The following DIP2B variants were observed in gnomAD, a reference collection of about 807,000 sequenced individuals.
DIP2B encodes DIP2 acetate--CoA ligase B (putative).
A neutral mutation model predicts 198.0 loss-of-function variants in DIP2B; 76 were observed. The observed-to-expected ratio is 0.38, with a 90% confidence interval of 0.32 to 0.46. DIP2B has a LOEUF of 0.46. Ranked by LOEUF, DIP2B falls within the 20% of genes least tolerant of loss-of-function variation. DIP2B has a pLI of 0.99. For synonymous variants in DIP2B, 701 were observed against 739.1 expected, an observed-to-expected ratio of 0.95 and a Z score of 0.84; for missense variants, 1,559 against 1,978.4, an observed-to-expected ratio of 0.79 and a Z score of 4.02.
At chr12:50,606,679 ATTTAATC>A (rs2139448448) in intron 1 of DIP2B, among the ~76,000 whole-genome samples, 1 of 152,172 alleles carries the variant, frequency 6.6e-6, no homozygotes, top group Admixed American at 6.5e-5. Context: ...TTTTAATTTA[ATTTAATC>A]TTTTTGATGG....
At chr12:50,553,945 C>T (rs1325126585) in intron 1 of DIP2B, among the ~76,000 whole-genome samples, 1 of 152,064 alleles carries the variant, frequency 6.6e-6, no homozygotes, top group Non-Finnish European at 1.5e-5. Flanking sequence ...TCAGCCTGTG[C>T]GCTTGGGCTG....
At chr12:50,670,358 T>G (rs1938829812) in intron 4 of DIP2B, among the ~76,000 whole-genome samples, 1 of 152,102 alleles carries the variant, frequency 6.6e-6, no homozygotes, top group Non-Finnish European at 1.5e-5. Context: ...GGCTAAGGAT[T>G]GTTTACGCCA....
intron 26 of DIP2B, among the ~76,000 whole-genome samples, chr12:50,722,261 T>C (rs1199071224): frequency 1.3e-5 from 1 of 75,612 alleles, no homozygotes; most frequent in African/African-American, 4.4e-5. Flanking sequence ...TTGTTTATTT[T>C]ATTTTATTTT....
chr12:50,677,648 T>A (rs1467348556), intron 7 of DIP2B, among the ~76,000 whole-genome samples: 1 of 152,110 alleles, frequency 6.6e-6, no homozygotes. Flanking sequence ...ATTCTTTTTT[T>A]GATTTTTATT....
At chr12:50,663,783 T>C (rs545487981) in intron 4 of DIP2B, among the ~76,000 whole-genome samples, 2 of 148,178 alleles carry the variant, frequency 1.3e-5, no homozygotes, top group Non-Finnish European at 3.0e-5. Flanking sequence ...GGTGGGAGGA[T>C]CGCTTGATCC....
intron 26 of DIP2B, 104 bp from the exon 27 acceptor site, chr12:50,723,098 C>A (rs1296078774): frequency 1.4e-6 from 2 of 1,421,424 alleles, no homozygotes; most frequent in South Asian, 1.3e-5. Flanking sequence ...GTCTACAGAA[C>A]CTGTCTGGCA....
chr12:50,658,410 T>G (rs1938590233), intron 3 of DIP2B, among the ~76,000 whole-genome samples: 1 of 152,200 alleles, frequency 6.6e-6, no homozygotes, highest in African/African-American at 2.4e-5. Flanking sequence ...GTGCTGGGAT[T>G]ACAGGTGTGA....
chr12:50,646,762 C>A (rs913024794), intron 3 of DIP2B, among the ~76,000 whole-genome samples: 1 of 152,006 alleles, frequency 6.6e-6, no homozygotes, highest in Non-Finnish European at 1.5e-5. Flanking sequence ...AGTATGGATT[C>A]TTCTGATTTA....
At chr12:50,601,796 C>T (rs1451464410) in intron 1 of DIP2B, among the ~76,000 whole-genome samples, 1 of 151,976 alleles carries the variant, frequency 6.6e-6, no homozygotes, top group African/African-American at 2.4e-5. Context: ...TTGTATTTAA[C>T]CTGTTGTTTT....
At chr12:50,625,074 A>G (rs1937906540) in intron 1 of DIP2B, among the ~76,000 whole-genome samples, 1 of 152,156 alleles carries the variant, frequency 6.6e-6, no homozygotes, top group Admixed American at 6.5e-5. Flanking sequence ...ATTAGGTTCT[A>G]TGTAAGGCTT....
chr12:50,516,181 C>G (rs1958061539), intron 1 of DIP2B, among the ~76,000 whole-genome samples: 1 of 151,902 alleles, frequency 6.6e-6, no homozygotes, highest in Admixed American at 6.6e-5. Context: ...GAGCACTCCT[C>G]TTTCATGACC....
intron 1 of DIP2B, among the ~76,000 whole-genome samples, chr12:50,614,854 A>G (rs1196957705): frequency 6.6e-6 from 1 of 152,218 alleles, no homozygotes; most frequent in Non-Finnish European, 1.5e-5. Flanking sequence ...TGGCAGTGGC[A>G]GTATTCTCCT....
At chr12:50,660,345 C>A in intron 4 of DIP2B, 26 bp downstream of exon 4, 1 of 1,587,694 alleles carries the variant, frequency 6.3e-7, no homozygotes, top group Non-Finnish European at 8.6e-7. Flanking sequence ...CTTTTTCTCT[C>A]TGACAGTTAA....
chr12:50,507,845 G>C (rs1167837203), intron 1 of DIP2B, among the ~76,000 whole-genome samples: 2 of 152,070 alleles, frequency 1.3e-5, no homozygotes, highest in African/African-American at 4.8e-5. Flanking sequence ...GCTTTTAACT[G>C]TGTGTTTATC....
intron 28 of DIP2B, among the ~76,000 whole-genome samples, chr12:50,725,327 A>C (rs892205266): frequency 8.5e-5 from 13 of 152,256 alleles, no homozygotes; most frequent in African/African-American, 3.1e-4. Context: ...ACCCTTTCCT[A>C]AGCTACTGCC....
intron 29 of DIP2B, 51 bp from the exon 30 acceptor site, chr12:50,728,497 T>A: frequency 1.3e-6 from 2 of 1,579,948 alleles, no homozygotes; most frequent in Non-Finnish European, 1.7e-6. Context: ...GAGCTGTTAC[T>A]CTGCCTGTGG....
intron 12 of DIP2B, among the ~76,000 whole-genome samples, chr12:50,690,174 C>T (rs570417961): frequency 3.3e-5 from 5 of 151,124 alleles, no homozygotes; most frequent in African/African-American, 1.2e-4. Context: ...GCAAGCTCTG[C>T]CTCCCAGGTT....
intron 1 of DIP2B, among the ~76,000 whole-genome samples, chr12:50,530,323 G>C (rs1184417944): frequency 6.6e-6 from 1 of 152,118 alleles, no homozygotes; most frequent in East Asian, 1.9e-4. Context: ...CTCATGATCT[G>C]CCCGCCTCAG....
At chr12:50,647,206 T>C (rs1396718179) in intron 3 of DIP2B, among the ~76,000 whole-genome samples, 1 of 152,052 alleles carries the variant, frequency 6.6e-6, no homozygotes, top group Non-Finnish European at 1.5e-5. Flanking sequence ...AACCCTGTCA[T>C]GCCTGGATGA....
Sources: allele counts gnomAD v4.1 joint callset (sites outside exome capture counted in the v4.1 genomes callset), GRCh38; gene constraint gnomAD v4.1.1; transcripts MANE v1.5; gene names NCBI Gene and HGNC (gene_info 2026-07-23, HGNC 2026-07-21).